SLC7A2: variants seen among roughly 807,000 people sequenced by gnomAD.
SLC7A2 encodes the protein solute carrier family 7 member 2.
SLC7A2 carries 48 observed loss-of-function variants against 58.9 expected under a neutral mutation model. The ratio of observed to expected loss-of-function variants is 0.82; its 90% CI spans 0.65 to 1.04. The LOEUF is 1.04. SLC7A2 is among the 50% of genes least tolerant of loss of function. The probability of loss-of-function intolerance (pLI) is 0.00; values close to 1 mark genes in which losing one functional copy is unlikely to be tolerated. For synonymous variants in SLC7A2, 363 were observed against 314.5 expected, an observed-to-expected ratio of 1.15 and a Z score of -1.63; for missense variants, 1,029 against 818.8, an observed-to-expected ratio of 1.26 and a Z score of -3.13.
chr8:17,536,253 G>GT (rs1801660906), intron 2 of SLC7A2, among the ~76,000 whole-genome samples: 1 of 152,100 alleles, frequency 6.6e-6, no homozygotes, highest in African/African-American at 2.4e-5. Flanking sequence ...CAGATTGGTT[G>GT]TATGTATGTC....
chr8:17,568,570 T>C lies in SLC7A2; in HGVS notation c.*3424T>C, dbSNP rs1351725316. ...AAATAAGAGACTATTTGTTTTCTTT[T>C]AATTTCTATGAATAAAAGAAATTTT... On this transcript the variant is annotated 3_prime_UTR_variant, in exon 13 of 13. Coordinates refer to ENST00000494857, the MANE Select transcript of SLC7A2 (RefSeq NM_001370338.1). The C allele has an allele frequency of 1.3e-5, 2 of 152,180 alleles. No individual in the cohort carries two copies. Among genetic ancestry groups the C allele is most frequent in the Non-Finnish European group, 2.9e-5 (2 of 68,032 alleles). The allele number at this position is 152,180 out of a possible 1,614,324, so 9.4% of individuals were successfully genotyped here.
At position 17,566,649 on chromosome 8, in the gene SLC7A2, G is replaced by A. The variant is rs988694552; in HGVS notation, c.*1503G>A. 6.8e-6 allele frequency: 1 copy of A among 147,786 alleles called. No individual in the cohort carries two copies. The highest frequency in any genetic ancestry group is 2.7e-5 in the African/African-American group (1 of 37,654). 9.2% of individuals were successfully genotyped at this position (147,786 alleles called of 1,614,324 possible). Reference sequence around the variant, plus strand: ...ATTGAATTAAAGCTATATAAACACAGTTAACCCTTGTAAATGAGTAAACAA... The same window carrying A: ...ATTGAATTAAAGCTATATAAACACAATTAACCCTTGTAAATGAGTAAACAA... On this transcript the variant is annotated 3_prime_UTR_variant, in exon 13 of 13. Transcript: ENST00000494857.
At chr8:17,494,119 G>C (rs1374226328), upstream of SLC7A2, among the ~76,000 whole-genome samples, 1 of 152,200 alleles carries the variant, frequency 6.6e-6, no homozygotes, top group African/African-American at 2.4e-5. Context: ...ATTTTAGCTT[G>C]TCTTCGCTAA....
chr8:17,555,271 T>C (rs1335408508), intron 8 of SLC7A2, among the ~76,000 whole-genome samples: 3 of 152,184 alleles, frequency 2.0e-5, no homozygotes, highest in Non-Finnish European at 4.4e-5. Context: ...ATGAAGTTCA[T>C]TCTTAATTGA....
intron 2 of SLC7A2, among the ~76,000 whole-genome samples, chr8:17,540,034 C>G (rs1401006745): frequency 1.3e-5 from 2 of 152,040 alleles, no homozygotes; most frequent in Admixed American, 6.6e-5. Context: ...TTCTCATTCT[C>G]TTGTTGCCAC....
intron 2 of SLC7A2, among the ~76,000 whole-genome samples, chr8:17,532,597 G>A (rs1338446558): frequency 6.6e-6 from 1 of 152,014 alleles, no homozygotes; most frequent in East Asian, 1.9e-4. Flanking sequence ...GTTGAATTCA[G>A]TCTATGCAGT....
intron 11 of SLC7A2, 113 bp from the exon 12 acceptor site, chr8:17,563,490 G>C: frequency 1.5e-6 from 1 of 679,338 alleles, no homozygotes; most frequent in Non-Finnish European, 2.7e-6. Flanking sequence ...TTTTAACTGT[G>C]ATTGACGTGG....
chr8:17,511,527 A>G (rs1037374427), intron 2 of SLC7A2, among the ~76,000 whole-genome samples: 1 of 152,196 alleles, frequency 6.6e-6, no homozygotes, highest in African/African-American at 2.4e-5. Flanking sequence ...GGTTTTTGAC[A>G]TCCTGTTATT....
chr8:17,513,100 C>T (rs995146293), intron 2 of SLC7A2, among the ~76,000 whole-genome samples: 4 of 152,276 alleles, frequency 2.6e-5, no homozygotes, highest in African/African-American at 4.8e-5. Context: ...CTTTCATGAA[C>T]GATGCTGCTG....
At position 17,561,949 on chromosome 8, in the gene SLC7A2, C is replaced by G. The variant is rs748380655; in HGVS notation, c.1510C>G (p.Leu504Val). The G allele has an allele frequency of 6.2e-7, 1 of 1,613,916 alleles. No homozygotes were observed. Among genetic ancestry groups the G allele is most frequent in the African/African-American group, 1.3e-5 (1 of 74,916 alleles). Reference protein sequence around the residue: ...VSFLVGFLAFLVLGLSVLTTY... With the variant: ...VSFLVGFLAFVVLGLSVLTTY... ...ATCTACACATCCCCCTGCAGCTTTC[C>G]TCGTGTTGGGCCTGAGTGTCTTGAC... Residue 504 changes from leucine (L) to valine (V), a missense_variant, in exon 11 of 13, where the codon CTC (leucine) becomes GTC (valine). Leu to Val is a conservative substitution (Grantham distance 32). Transcript: ENST00000494857.
intron 8 of SLC7A2, among the ~76,000 whole-genome samples, chr8:17,556,160 A>G (rs1307540325): frequency 1.3e-5 from 2 of 152,190 alleles, no homozygotes; most frequent in Non-Finnish European, 2.9e-5. Flanking sequence ...CTGCCCCCCT[A>G]AAATGAAGGT....
At position 17,566,770 on chromosome 8, in the gene SLC7A2, C is replaced by CTA. The variant is rs1263545524; in HGVS notation, c.*1626_*1627dup. On this transcript the variant is annotated 3_prime_UTR_variant, in exon 13 of 13. Coordinates refer to ENST00000494857, the MANE Select transcript of SLC7A2 (RefSeq NM_001370338.1). ...TTGCAGTGTATTTGCTTCTCATGAACTATTTCTCGTACAAATCATTAAATA... is the reference window on the plus strand; with the variant it reads ...TTGCAGTGTATTTGCTTCTCATGAACTATATTTCTCGTACAAATCATTAAATA... The CTA allele has an allele frequency of 6.6e-6, 1 of 152,128 alleles. No individual in the cohort carries two copies. The highest frequency in any genetic ancestry group is 2.4e-5 in the African/African-American group (1 of 41,408). The allele number at this position is 152,128 out of a possible 1,614,324, so 9.4% of individuals were successfully genotyped here.
At chr8:17,544,263 A>T (rs1001231622) in intron 3 of SLC7A2, among the ~76,000 whole-genome samples, 188 bp from the exon 4 acceptor site, 4 of 152,240 alleles carry the variant, frequency 2.6e-5, no homozygotes, top group African/African-American at 9.6e-5. Context: ...AAATAAAGTT[A>T]CCTGATTCCA....
At chr8:17,524,563 A>T (rs1261951783) in intron 2 of SLC7A2, among the ~76,000 whole-genome samples, 2 of 152,084 alleles carry the variant, frequency 1.3e-5, no homozygotes, top group Non-Finnish European at 2.9e-5. Context: ...AGGAATGGAA[A>T]CCCAAACATT....
chr8:17,550,247 G>A, intron 5 of SLC7A2, 54 bp from the exon 6 acceptor site: 1 of 1,574,730 alleles, frequency 6.4e-7, no homozygotes, highest in Non-Finnish European at 8.7e-7. Flanking sequence ...AAAGTCACCA[G>A]AAGGAGAGTT....
At chr8:17,563,789 G>C (rs1384975233) in intron 12 of SLC7A2, 78 bp downstream of exon 12, 1 of 829,066 alleles carries the variant, frequency 1.2e-6, no homozygotes, top group Admixed American at 2.4e-5. Context: ...CCCCATCCTG[G>C]GAATAAAGGC....
chr8:17,553,196 C>T (rs1268020208), intron 7 of SLC7A2, among the ~76,000 whole-genome samples: 3 of 152,064 alleles, frequency 2.0e-5, no homozygotes, highest in Non-Finnish European at 4.4e-5. Context: ...AGGATACAGG[C>T]ACGTAACACC....
intron 2 of SLC7A2, among the ~76,000 whole-genome samples, chr8:17,531,980 C>G (rs190522275): frequency 6.6e-5 from 10 of 151,912 alleles, no homozygotes; most frequent in African/African-American, 2.4e-4. Flanking sequence ...ATAATCCTAA[C>G]ACTTTGGGAG....
intron 12 of SLC7A2, 37 bp downstream of exon 12, chr8:17,563,748 A>T (rs1487162622): frequency 1.7e-6 from 2 of 1,199,130 alleles, no homozygotes; most frequent in Non-Finnish European, 1.2e-6. Context: ...TTCCTATTTC[A>T]TGTGCTGTGA....
Sources: gnomAD v4.1 joint callset for allele counts (sites outside exome capture counted in the v4.1 genomes callset) on GRCh38, gnomAD v4.1.1 for gene constraint, MANE v1.5 for transcripts, NCBI Gene and HGNC (gene_info 2026-07-23, HGNC 2026-07-21) for gene names.